The following TEK variants were observed in gnomAD, a reference collection of about 807,000 sequenced individuals.
The protein encoded by TEK is angiopoietin-1 receptor.
TEK carries 43 observed loss-of-function variants against 131.8 expected under a neutral mutation model. The ratio of observed to expected loss-of-function variants is 0.33; its 90% CI spans 0.26 to 0.42. The LOEUF (loss-of-function observed/expected upper bound fraction) is 0.42. TEK is among the 10% of genes least tolerant of loss of function. The pLI is 1.00. For missense variants in TEK, 1,162 were observed against 1,384.4 expected (o/e 0.84, Z 2.55); for synonymous variants, 580 against 491.6 (o/e 1.18, Z -2.38).
intron 11 of TEK, among the ~76,000 whole-genome samples, chr9:27,195,386 T>A (rs4879252): frequency 0.082 from 12,542 of 152,230 alleles, 644 homozygotes; most frequent in Admixed American, 0.16. Context: ...GTGAGCTGTT[T>A]CAGATACGTT....
At chr9:27,181,404 G>T (rs1824368205) in intron 7 of TEK, among the ~76,000 whole-genome samples, 1 of 152,096 alleles carries the variant, frequency 6.6e-6, no homozygotes, top group Admixed American at 6.6e-5. Context: ...GACCCATGCA[G>T]TTGAAGCCTG....
intron 2 of TEK, among the ~76,000 whole-genome samples, chr9:27,166,541 GT>G (rs1462524040): frequency 6.6e-6 from 1 of 152,092 alleles, no homozygotes; most frequent in Non-Finnish European, 1.5e-5. Context: ...ATCTAACAAG[GT>G]TTTATCAGTT....
At chr9:27,199,682 T>C (rs1042104826) in intron 12 of TEK, among the ~76,000 whole-genome samples, 1 of 152,242 alleles carries the variant, frequency 6.6e-6, no homozygotes, top group African/African-American at 2.4e-5. Flanking sequence ...CTGGATGTCC[T>C]CTTTTTTGAT....
chr9:27,195,033 G>C (rs781710520), intron 11 of TEK, among the ~76,000 whole-genome samples: 1 of 152,058 alleles, frequency 6.6e-6, no homozygotes, highest in Non-Finnish European at 1.5e-5. Context: ...AGGTGTAAAT[G>C]TATTCTCCAA....
chr9:27,118,297 G>T (rs1194200375), intron 1 of TEK, among the ~76,000 whole-genome samples: 3 of 152,008 alleles, frequency 2.0e-5, no homozygotes, highest in Non-Finnish European at 4.4e-5. Context: ...AATAGACAGG[G>T]AAACCAAGGC....
chr9:27,109,754 CA>C (rs1821259118), intron 1 of TEK, 112 bp downstream of exon 1: 1 of 1,007,340 alleles, frequency 9.9e-7, no homozygotes, highest in South Asian at 1.4e-5. Flanking sequence ...GTGGCTGTAG[CA>C]AAGGCACCAT....
At chr9:27,111,326 T>TA (rs1256499970) in intron 1 of TEK, among the ~76,000 whole-genome samples, 1 of 152,216 alleles carries the variant, frequency 6.6e-6, no homozygotes, top group Non-Finnish European at 1.5e-5. Flanking sequence ...CTTGCATTCC[T>TA]AGTCTAAGCC....
intron 1 of TEK, among the ~76,000 whole-genome samples, chr9:27,153,649 C>T (rs1367598432): frequency 6.6e-6 from 1 of 152,176 alleles, no homozygotes. Context: ...CACTATCCGT[C>T]CCCAACATGA....
intron 1 of TEK, among the ~76,000 whole-genome samples, chr9:27,116,702 G>A (rs1211556243): frequency 6.6e-6 from 1 of 152,162 alleles, no homozygotes; most frequent in African/African-American, 2.4e-5. Context: ...CACGGGCATG[G>A]CTATATTTCA....
rs944374233 is a variant in TEK, at chr9:27,229,555, G to T, written c.*323G>T. On this transcript the variant is annotated 3_prime_UTR_variant, in exon 23 of 23. Transcript: ENST00000380036. ...TTAGTATAATGCATAACTCATTGTT[G>T]TCCTAGATATTTTGATATTTACCTT... is the stretch of plus-strand genomic sequence containing the variant. 1.8e-5 allele frequency: 6 copies of T among 340,720 alleles called. No homozygotes were observed. The highest frequency in any genetic ancestry group is 2.8e-5 in the Non-Finnish European group (5 of 181,526). The allele number at this position is 340,720 out of a possible 1,614,324, so 21.1% of individuals were successfully genotyped here. A position where few individuals can be genotyped will look rare whatever the true frequency, so the allele number is the denominator to read the frequency against.
chr9:27,136,299 C>T (rs1822432894), intron 1 of TEK, among the ~76,000 whole-genome samples: 2 of 152,094 alleles, frequency 1.3e-5, no homozygotes, highest in Non-Finnish European at 1.5e-5. Flanking sequence ...CCAGGCTGGT[C>T]TCAAACACCT....
At chr9:27,171,044 C>G (rs1823937719) in intron 4 of TEK, among the ~76,000 whole-genome samples, 1 of 152,102 alleles carries the variant, frequency 6.6e-6, no homozygotes. Context: ...CCCACACTTC[C>G]CAGGTCATTT....
chr9:27,119,848 T>C (rs143444075), intron 1 of TEK, among the ~76,000 whole-genome samples: 2 of 152,028 alleles, frequency 1.3e-5, no homozygotes, highest in Non-Finnish European at 2.9e-5. Context: ...GTGACTAAGC[T>C]TGTTGCATTT....
At chr9:27,212,193 G>A (rs75064851) in intron 16 of TEK, among the ~76,000 whole-genome samples, 5,463 of 152,240 alleles carry the variant, frequency 0.036, 119 homozygotes, top group Middle Eastern at 0.11. Context: ...GTTTTGAGGA[G>A]GAGTAGAAGG....
intron 18 of TEK, 27 bp downstream of exon 18, chr9:27,213,624 G>A (rs374442775): frequency 4.0e-4 from 618 of 1,550,738 alleles, no homozygotes; most frequent in Non-Finnish European, 5.0e-4. Flanking sequence ...GACACTGATC[G>A]CATCCTTTCC....
chr9:27,152,590 G>GC (rs370861168), intron 1 of TEK, among the ~76,000 whole-genome samples: 34,175 of 140,320 alleles, frequency 0.24, 4,672 homozygotes, highest in South Asian at 0.47. Context: ...CTTATATGAA[G>GC]CCCCCCCGCC....
At chr9:27,156,627 C>T (rs1245094839) in intron 1 of TEK, among the ~76,000 whole-genome samples, 1 of 152,100 alleles carries the variant, frequency 6.6e-6, no homozygotes, top group African/African-American at 2.4e-5. Context: ...CCCAGCTCTG[C>T]CTTCAATAGC....
intron 6 of TEK, among the ~76,000 whole-genome samples, chr9:27,175,504 G>A (rs1288864212): frequency 1.3e-5 from 2 of 152,308 alleles, no homozygotes; most frequent in African/African-American, 2.4e-5. Flanking sequence ...TATATACCCA[G>A]TAATGGGGTG....
At position 27,173,253 on chromosome 9, in the gene TEK, T is replaced by A; in HGVS notation, c.792T>A (p.Cys264Ter). Reference sequence around the variant, plus strand: ...AACTGCACACGTTTGGCAGAACTTGTAAAGAAAGGTGCAGTGGACAAGAGG... The same window carrying A: ...AACTGCACACGTTTGGCAGAACTTGAAAAGAAAGGTGCAGTGGACAAGAGG... ...ACELHTFGRT[C>*]KERCSGQEGC... Residue 264 changes from cysteine to a stop codon, truncating the protein, a stop_gained, in exon 6 of 23, where the codon TGT becomes TGA. Transcript: ENST00000380036. LOFTEE classifies it high-confidence loss of function. 6.2e-7 allele frequency: 1 copy of A among 1,614,064 alleles called. No individual in the cohort carries two copies. The highest frequency in any genetic ancestry group is 8.5e-7 in the Non-Finnish European group (1 of 1,179,946).
Sources: gnomAD v4.1 joint callset for allele counts (sites outside exome capture counted in the v4.1 genomes callset) on GRCh38, gnomAD v4.1.1 for gene constraint, MANE v1.5 for transcripts, NCBI Gene and HGNC (gene_info 2026-07-23, HGNC 2026-07-21) for gene names.